Variants in DZIP1 observed in about 807,000 individuals in gnomAD.
The protein encoded by DZIP1 is cilium assembly protein DZIP1.
DZIP1 carries 97 observed loss-of-function variants against 107.6 expected under a neutral mutation model. The ratio of observed to expected loss-of-function variants is 0.90; its 90% CI spans 0.77 to 1.07. DZIP1 has a LOEUF of 1.07. Ranked by LOEUF, DZIP1 falls within the 50% of genes least tolerant of loss-of-function variation. The pLI is 0.00. For synonymous variants in DZIP1, 390 were observed against 386.4 expected (o/e 1.01, Z -0.11); for missense variants, 1,035 against 1,063.6 (o/e 0.97, Z 0.37).
chr13:95,614,545 A>C (rs114179141), intron 10 of DZIP1, among the ~76,000 whole-genome samples: 3 of 152,332 alleles, frequency 2.0e-5, no homozygotes, highest in African/African-American at 7.2e-5. Flanking sequence ...TAGAAGAGTT[A>C]AGAATGAATC....
At chr13:95,609,127 C>T (rs1273071899) in intron 13 of DZIP1, among the ~76,000 whole-genome samples, 2 of 150,608 alleles carry the variant, frequency 1.3e-5, no homozygotes, top group Admixed American at 6.7e-5. Flanking sequence ...GTGGTGACAC[C>T]ACACACAGTC....
chr13:95,623,443 G>A (rs966145517), intron 8 of DZIP1, among the ~76,000 whole-genome samples: 7 of 152,274 alleles, frequency 4.6e-5, no homozygotes, highest in African/African-American at 4.8e-5. Flanking sequence ...AATAGCAACA[G>A]TTATAAGTCA....
intron 16 of DZIP1, among the ~76,000 whole-genome samples, chr13:95,592,943 C>T (rs1357530306): frequency 6.6e-6 from 1 of 152,104 alleles, no homozygotes; most frequent in Non-Finnish European, 1.5e-5. Flanking sequence ...CCTTTCCCTC[C>T]GATTGGGAAG....
intron 9 of DZIP1, 88 bp downstream of exon 9, chr13:95,622,255 C>A: frequency 6.5e-7 from 1 of 1,550,240 alleles, no homozygotes; most frequent in East Asian, 2.3e-5. Flanking sequence ...AAAAGACAAA[C>A]ACTTTTTCTG....
Position 95,594,097 on chromosome 13 carries a change from G to T in DZIP1, c.1538-11C>A. The T allele has an allele frequency of 6.3e-7, 1 of 1,580,506 alleles. No individual in the cohort carries two copies. On this transcript the variant is annotated splice_polypyrimidine_tract_variant and intron_variant, in intron 15 of 22. Coordinates refer to ENST00000376829, the MANE Select transcript of DZIP1 (RefSeq NM_198968.4). ...GTTCATTTTCCCTTCCTGAAATAAG[G>T]TTTTAAAAATGTGTTAAAAAAAGAA...
rs187035315 is a variant in DZIP1 at position 95,617,642 on chromosome 13, A to T, written c.1173+2243T>A. 8.2e-3 allele frequency among the ~76,000 whole-genome samples: 1,174 copies of T among 143,204 alleles called. 4 individuals are homozygous for T. Among genetic ancestry groups the T allele is most frequent in the Admixed American group, 0.011 (147 of 13,980 alleles). The allele number at this position is 143,204 out of a possible 152,430, so 93.9% of individuals were successfully genotyped here. On this transcript the variant is annotated intron_variant, in intron 10 of 22. Coordinates refer to ENST00000376829, the MANE Select transcript of DZIP1 (RefSeq NM_198968.4). ...AGGAAAAGGCCAGAATGTTCTAGAA[A>T]TTAGCAGAAAGTCATCATAGCTGGA...
rs533465385 is a variant in DZIP1 at position 95,630,048 on chromosome 13, G to T, written c.751C>A (p.Gln251Lys). The T allele has an allele frequency of 1.9e-6, 3 of 1,613,864 alleles. No homozygotes were observed. In the African/African-American group the frequency reaches 4.0e-5, roughly 22 times the overall value. The change falls in exon 7 of 23, where the codon CAG becomes AAG. Residue 251 changes from glutamine to lysine, a missense_variant. Physicochemically the swap from Gln to Lys is moderately conservative, Grantham distance 53. Transcript: ENST00000376829. Reference sequence around the variant, plus strand: ...GCCTCTAGCTCAGACCTGGTGAGCTGCAGCTCTTCCTTCAATACGACGATC... The same window carrying T: ...GCCTCTAGCTCAGACCTGGTGAGCTTCAGCTCTTCCTTCAATACGACGATC... ...SEIVVLKEEL[Q>K]LTRSELEAAH...
chr13:95,627,366 T>C (rs1876669103), intron 7 of DZIP1, among the ~76,000 whole-genome samples: 1 of 152,122 alleles, frequency 6.6e-6, no homozygotes, highest in Non-Finnish European at 1.5e-5. Context: ...TAACTCAAAA[T>C]AGACCAATGA....
In DZIP1 at chr13:95,629,972, A is replaced by C. The variant is rs1877000392; in HGVS notation, c.810+17T>G. On this transcript the variant is annotated intron_variant, in intron 7 of 22. Coordinates refer to ENST00000376829, the MANE Select transcript of DZIP1 (RefSeq NM_198968.4). ...CAGTTAATTGTAATTAAAATACCAC[A>C]GAATTCTGCCTGGTACCTTGGAGAA... The C allele has an allele frequency of 6.3e-7, 1 of 1,581,698 alleles. No individual in the cohort carries two copies. The highest frequency in any genetic ancestry group is 8.6e-7 in the Non-Finnish European group (1 of 1,166,724).
At chr13:95,582,400 T>C (rs1369367558) in intron 22 of DZIP1, 87 bp from the exon 23 acceptor site, 4 of 1,121,796 alleles carry the variant, frequency 3.6e-6, no homozygotes, top group Non-Finnish European at 5.4e-6. Context: ...TAATTTCATA[T>C]TGTCATTAAT....
At position 95,609,460 on chromosome 13, in the gene DZIP1, G is replaced by A. The variant is rs1348980312; in HGVS notation, c.1417C>T (p.Pro473Ser). ...FESQPAAPAV[P>S]MNAPALHTLE... ...TGCATCTATTATAGGAACTTACTAG[G>A]CACAGCTGGAGCAGCTGGCTGAGAT... The change falls in exon 13 of 23, where the codon CCT becomes TCT. Residue 473 changes from proline to serine, a missense_variant. Physicochemically the swap from Pro to Ser is moderately conservative, Grantham distance 74 (BLOSUM62 -1). Coordinates refer to ENST00000376829, the MANE Select transcript of DZIP1 (RefSeq NM_198968.4). 6.4e-7 allele frequency: 1 copy of A among 1,570,440 alleles called. No homozygotes were observed. Among genetic ancestry groups the A allele is most frequent in the Non-Finnish European group, 8.6e-7 (1 of 1,159,244 alleles).
intron 22 of DZIP1, among the ~76,000 whole-genome samples, chr13:95,583,966 AT>A (rs2044075041): frequency 6.6e-6 from 1 of 151,956 alleles, no homozygotes; most frequent in African/African-American, 2.4e-5. Flanking sequence ...CCTAAAAAAA[AT>A]AAAAAAATAA....
chr13:95,638,043 T>C (rs1023429669), intron 5 of DZIP1, among the ~76,000 whole-genome samples: 3 of 152,062 alleles, frequency 2.0e-5, no homozygotes, highest in African/African-American at 7.2e-5. Flanking sequence ...TTAAACATTT[T>C]GCTATCTTGG....
intron 5 of DZIP1, among the ~76,000 whole-genome samples, chr13:95,635,055 C>T (rs1230167319): frequency 6.6e-6 from 1 of 152,104 alleles, no homozygotes; most frequent in African/African-American, 2.4e-5. Flanking sequence ...TGCAGAGTTT[C>T]CCTCCATTTG....
rs766582852 is a variant in DZIP1, at chr13:95,641,984, C to T, written c.36+10G>A. ...CCCCGTCGGGGGCGCCCCGGCCTCC[C>T]GCCTCTTACCATGCTTGAAAACCAA... On this transcript the variant is annotated intron_variant, in intron 4 of 22. Transcript: ENST00000376829. This position sits in a 1 kb window ranked among gnomAD's most constrained non-coding sequence, Gnocchi z 4.3. 3.8e-6 allele frequency: 6 copies of T among 1,577,928 alleles called. No homozygotes were observed. Among genetic ancestry groups the T allele is most frequent in the Non-Finnish European group, 5.1e-6 (6 of 1,167,298 alleles).
chr13:95,637,934 A>G (rs564714302), intron 5 of DZIP1, among the ~76,000 whole-genome samples: 30 of 152,272 alleles, frequency 2.0e-4, no homozygotes, highest in African/African-American at 7.0e-4. Flanking sequence ...AAAATATTTT[A>G]TATGTTCATA....
chr13:95,603,811 G>A (rs1053812717), intron 14 of DZIP1, among the ~76,000 whole-genome samples: 10 of 152,158 alleles, frequency 6.6e-5, no homozygotes, highest in African/African-American at 1.9e-4. Flanking sequence ...TGCCTGTACC[G>A]TTTAGCTTGT....
intron 15 of DZIP1, among the ~76,000 whole-genome samples, chr13:95,596,324 C>A (rs138428081): frequency 1.2e-4 from 18 of 152,182 alleles, no homozygotes; most frequent in Non-Finnish European, 2.5e-4. Context: ...CAGGCTAATG[C>A]ACAACAGTCC....
intron 14 of DZIP1, among the ~76,000 whole-genome samples, chr13:95,604,305 C>T (rs1331345857): frequency 6.6e-6 from 1 of 152,236 alleles, no homozygotes; most frequent in Non-Finnish European, 1.5e-5. Flanking sequence ...GGCGAATAAA[C>T]ATTACGCAAT....
Sources: gnomAD v4.1 joint callset for allele counts (sites outside exome capture counted in the v4.1 genomes callset) on GRCh38, gnomAD v4.1.1 for gene constraint, Gnocchi (gnomAD v3.1) non-coding constraint, MANE v1.5 for transcripts, NCBI Gene and HGNC (gene_info 2026-07-23, HGNC 2026-07-21) for gene names.